The following SCAI variants were observed in gnomAD, a reference collection of about 807,000 sequenced individuals.
SCAI encodes protein SCAI.
SCAI carries 24 observed loss-of-function variants against 92.2 expected under a neutral mutation model. The observed-to-expected ratio is 0.26, with a 90% CI of 0.19 to 0.37. The LOEUF is 0.37. Among genes scored for constraint, SCAI ranks in the 10% least tolerant of loss-of-function variants. SCAI has a pLI of 1.00. For missense variants in SCAI, 450 were observed against 736.2 expected, an observed-to-expected ratio of 0.61 and a Z score of 4.50; for synonymous variants, 261 against 258.6, an observed-to-expected ratio of 1.01 and a Z score of -0.09.
intron 15 of SCAI, among the ~76,000 whole-genome samples, chr9:124,975,587 C>T (rs911058794): frequency 3.3e-5 from 5 of 152,186 alleles, no homozygotes; most frequent in East Asian, 3.8e-4. Flanking sequence ...TAACCTGTCT[C>T]TCTGGCAGAC....
chr9:125,063,974 G>T (rs537623995), intron 2 of SCAI, among the ~76,000 whole-genome samples: 32 of 152,148 alleles, frequency 2.1e-4, no homozygotes, highest in African/African-American at 7.7e-4. Context: ...GGCTGATCTT[G>T]AACTCCAGAC....
intron 2 of SCAI, among the ~76,000 whole-genome samples, chr9:125,103,893 C>T (rs1834726483): frequency 6.6e-6 from 1 of 152,190 alleles, no homozygotes; most frequent in South Asian, 2.1e-4. Flanking sequence ...ATTCATCTCT[C>T]AGCCTGTAGG....
chr9:125,028,581 G>C, intron 4 of SCAI, 103 bp from the exon 5 acceptor site: 1 of 481,452 alleles, frequency 2.1e-6, no homozygotes, highest in Non-Finnish European at 3.6e-6. Flanking sequence ...ATTCAGCAAA[G>C]CTAATGAATT....
At chr9:125,018,724 A>G in intron 9 of SCAI, 75 bp downstream of exon 9, 1 of 1,299,026 alleles carries the variant, frequency 7.7e-7, no homozygotes, top group East Asian at 2.3e-5. Flanking sequence ...TATTTATAAG[A>G]AAATAATTCT....
chr9:125,027,940 C>CT (rs1832994806), intron 5 of SCAI, among the ~76,000 whole-genome samples: 1 of 152,196 alleles, frequency 6.6e-6, no homozygotes, highest in African/African-American at 2.4e-5. Flanking sequence ...AGGGATGGGA[C>CT]TATATAGATG....
At position 125,056,025 on chromosome 9, in the gene SCAI, T is replaced by C. The variant is rs774297431; in HGVS notation, c.99-18A>G. 4.4e-6 allele frequency: 7 copies of C among 1,577,424 alleles called. No homozygotes were observed. Among genetic ancestry groups the C allele is most frequent in the Non-Finnish European group, 6.0e-6 (7 of 1,161,422 alleles). ...ATTCAGTCCTGTAAGAAAACATATG[T>C]TCATTCATGCAGGAGGTAAAAATAA... On this transcript the variant is annotated intron_variant, in intron 2 of 17. Transcript: ENST00000336505.
chr9:124,999,947 A>T lies in SCAI; in HGVS notation c.1188T>A (p.Asp396Glu), dbSNP rs773164593. The change falls in exon 13 of 18, where the codon GAT (aspartate) becomes GAA (glutamate). Residue 396 changes from aspartate to glutamate, a missense_variant. Asp to Glu is a conservative substitution (Grantham distance 45). This residue lies in a region of SCAI where 360 missense variants were observed against 601.8 expected (regional missense o/e 0.60). Coordinates refer to ENST00000336505, the MANE Select transcript of SCAI (RefSeq NM_001144877.3). Reference sequence around the variant, plus strand: ...TGTGGATGGCATCTCCATTAATAATATCCCGGTTACTATTAGTAAGTACAC... The same window carrying T: ...TGTGGATGGCATCTCCATTAATAATTTCCCGGTTACTATTAGTAAGTACAC... ...FGGVLTNSNR[D>E]IINGDAIHKR... is the part of the protein sequence containing the mutation. The T allele has an allele frequency of 6.3e-7, 1 of 1,598,124 alleles. No individual in the cohort carries two copies. The highest frequency in any genetic ancestry group is 1.1e-5 in the South Asian group (1 of 88,798).
intron 2 of SCAI, among the ~76,000 whole-genome samples, chr9:125,128,245 C>T (rs1164294415): frequency 2.6e-5 from 4 of 151,990 alleles, no homozygotes; most frequent in African/African-American, 4.8e-5. Flanking sequence ...TGAGCCCAGG[C>T]GTTCAAGGTG....
chr9:125,131,131 C>T (rs1242705128), intron 2 of SCAI, among the ~76,000 whole-genome samples: 2 of 151,172 alleles, frequency 1.3e-5, no homozygotes, highest in African/African-American at 2.4e-5. Flanking sequence ...TAGCACTGGG[C>T]GCAGTGGCTC....
chr9:124,976,675 CTAAAG>C (rs1158664812), intron 14 of SCAI, among the ~76,000 whole-genome samples: 2 of 152,122 alleles, frequency 1.3e-5, no homozygotes, highest in African/African-American at 4.8e-5. Context: ...GACACTCAAA[CTAAAG>C]TACTCTACAT....
intron 2 of SCAI, among the ~76,000 whole-genome samples, chr9:125,071,298 C>T (rs754138576): frequency 1.1e-4 from 16 of 152,142 alleles, no homozygotes; most frequent in Non-Finnish European, 2.4e-4. Context: ...ATTAGGATGG[C>T]TGAGGTGGAA....
intron 9 of SCAI, among the ~76,000 whole-genome samples, chr9:125,008,074 C>T (rs903527486): frequency 4.8e-5 from 7 of 146,494 alleles, no homozygotes; most frequent in African/African-American, 7.5e-5. Flanking sequence ...CTCGATCTCC[C>T]GACCTTGTGA....
chr9:125,141,769 T>C (rs966600791), intron 2 of SCAI, among the ~76,000 whole-genome samples: 57 of 151,938 alleles, frequency 3.8e-4, no homozygotes, highest in African/African-American at 1.3e-3. Context: ...ACTAGATGCA[T>C]GATTTTGGGT....
At chr9:125,130,978 A>T (rs1182265817) in intron 2 of SCAI, among the ~76,000 whole-genome samples, 1 of 115,258 alleles carries the variant, frequency 8.7e-6, no homozygotes, top group East Asian at 2.6e-4. Context: ...CAGAGGTCTC[A>T]CTATATTGTG....
intron 2 of SCAI, among the ~76,000 whole-genome samples, chr9:125,064,663 T>C (rs754608999): frequency 3.9e-5 from 6 of 152,074 alleles, no homozygotes; most frequent in South Asian, 2.1e-4. Context: ...CTGGCCAACA[T>C]AGTGAAATCC....
At position 124,953,597 on chromosome 9, in the gene SCAI, G is replaced by A. The variant is rs182203944; in HGVS notation, c.1675-644C>T. On this transcript the variant is annotated intron_variant, in intron 17 of 17. Transcript: ENST00000336505. The stretch of plus-strand genomic sequence containing the variant: ...GTTGAGATCACGCCATTGCACTCCA[G>A]CCCAGGTGTTTCACCATGTTGGCCA... Among the ~76,000 whole-genome samples, 749 of 152,234 alleles carry A rather than the reference G, an allele frequency of 4.9e-3. 3 individuals carry two copies. The highest frequency in any genetic ancestry group is 8.5e-3 in the Non-Finnish European group (581 of 68,010).
intron 5 of SCAI, 104 bp from the exon 6 acceptor site, chr9:125,027,014 G>T: frequency 1.9e-6 from 1 of 514,764 alleles, no homozygotes; most frequent in South Asian, 3.9e-5. Context: ...CACGGGGTGC[G>T]GGGGTGGGAA....
rs567000074 is a variant in SCAI at position 125,045,802 on chromosome 9, T to TA, written c.230+10073dup. Among the ~76,000 whole-genome samples the TA allele has an allele frequency of 3.9e-4, 55 of 140,742 alleles. No homozygotes were observed. In the South Asian group the frequency reaches 0.012, roughly 31 times the overall value. 92.3% of individuals were successfully genotyped at this position (140,742 alleles called of 152,430 possible). ...GTTTTTCTCATCTGTAGAACCAAAA[T>TA]AATAGACACTAATGACATTGTTTTG... On this transcript the variant is annotated intron_variant, in intron 3 of 17. Coordinates refer to ENST00000336505, the MANE Select transcript of SCAI (RefSeq NM_001144877.3).
intron 13 of SCAI, among the ~76,000 whole-genome samples, chr9:124,996,724 C>T (rs1040976735): frequency 4.6e-5 from 7 of 151,570 alleles, no homozygotes; most frequent in African/African-American, 9.7e-5. Context: ...CCGCCTCCCA[C>T]GTTCAGGCAA....
Sources: allele counts gnomAD v4.1 joint callset (sites outside exome capture counted in the v4.1 genomes callset), GRCh38; gene constraint gnomAD v4.1.1; regional missense constraint gnomAD v4.1.1; transcripts MANE v1.5; gene names NCBI Gene and HGNC (gene_info 2026-07-23, HGNC 2026-07-21).